The following ZNF766 variants were observed in gnomAD, a reference collection of about 807,000 sequenced individuals.
ZNF766 encodes the protein zinc finger protein 766.
Under a neutral mutation model 13.2 loss-of-function variants are expected in ZNF766, and 13 were observed. The observed-to-expected ratio is 0.98, with a 90% CI of 0.64 to 1.56. The LOEUF (loss-of-function observed/expected upper bound fraction) is 1.56, where lower values mean the gene tolerates loss of function less well. Ranked by LOEUF, ZNF766 falls within the 40% of genes most tolerant of loss-of-function variation. The probability of loss-of-function intolerance (pLI) is 0.00; values close to 1 mark genes in which losing one functional copy is unlikely to be tolerated. For missense variants in ZNF766, 521 were observed against 552.2 expected, an observed-to-expected ratio of 0.94 and a Z score of 0.57; for synonymous variants, 178 against 187.6, an observed-to-expected ratio of 0.95 and a Z score of 0.42.
chr19:52,272,491 C>T (rs545961484), intron 1 of ZNF766, among the ~76,000 whole-genome samples: 2 of 152,108 alleles, frequency 1.3e-5, no homozygotes, highest in East Asian at 3.9e-4. Flanking sequence ...TTTTAAGACA[C>T]GGTCTCAGTC....
At chr19:52,279,544 T>C (rs1389494622) in intron 1 of ZNF766, among the ~76,000 whole-genome samples, 2 of 152,014 alleles carry the variant, frequency 1.3e-5, no homozygotes, top group Non-Finnish European at 2.9e-5. Context: ...TGAGCAGTGG[T>C]TTGTAATTCT....
At chr19:52,276,974 AG>A (rs1021658986) in intron 1 of ZNF766, among the ~76,000 whole-genome samples, 32 of 152,252 alleles carry the variant, frequency 2.1e-4, no homozygotes, top group African/African-American at 7.5e-4. Context: ...TTCTGAAGAA[AG>A]GGGCCAAAAG....
At position 52,277,972 on chromosome 19, in the gene ZNF766, CTT is replaced by C. The variant is rs375658066; in HGVS notation, c.19-4124_19-4123del. ...TAAAAATTCAGGAAATCTTTTCTGC[CTT>C]TTTTTTTTTTTTTTGGAGACAAGAG... On this transcript the variant is annotated intron_variant, in intron 1 of 3. Transcript: ENST00000439461. Among the ~76,000 whole-genome samples, 526 of 135,604 alleles carry C rather than the reference CTT, an allele frequency of 3.9e-3. 2 individuals are homozygous for C. The highest frequency in any genetic ancestry group is 0.013 in the African/African-American group (456 of 36,376). The allele number at this position is 135,604 out of a possible 152,430, so 89.0% of individuals were successfully genotyped here.
In ZNF766 at chr19:52,290,753, A is replaced by C. The variant is rs1292429803; in HGVS notation, c.962A>C (p.His321Pro). Residue 321 changes from histidine (H) to proline (P), a missense_variant, in exon 4 of 4, where the codon CAT (histidine) becomes CCT (proline). By Grantham distance (77) the His-to-Pro change is moderately conservative. Transcript: ENST00000439461. ...TACCTAGCACAACATTGGAGAATTC[A>C]TACAGGAGAGAAACTTTACAAATGT... ...SSYLAQHWRI[H>P]TGEKLYKCNK... The C allele has an allele frequency of 6.2e-7, 1 of 1,614,020 alleles. No individual in the cohort carries two copies. Among genetic ancestry groups the C allele is most frequent in the East Asian group, 2.2e-5 (1 of 44,890 alleles).
chr19:52,287,856 T>C (rs1981908993), intron 3 of ZNF766, among the ~76,000 whole-genome samples: 1 of 152,144 alleles, frequency 6.6e-6, no homozygotes, highest in Admixed American at 6.5e-5. Context: ...GTTATTTCGG[T>C]CGTATGCTTC....
At chr19:52,285,966 G>C (rs1981796257) in intron 3 of ZNF766, among the ~76,000 whole-genome samples, 1 of 152,120 alleles carries the variant, frequency 6.6e-6, no homozygotes, top group Non-Finnish European at 1.5e-5. Context: ...ACACCACACA[G>C]AGGAGCCTGG....
chr19:52,271,383 A>G, intron 1 of ZNF766, among the ~76,000 whole-genome samples: 1 of 152,130 alleles, frequency 6.6e-6, no homozygotes, highest in Non-Finnish European at 1.5e-5. Flanking sequence ...ACTGGTCAGT[A>G]TGCGGAAAAA....
chr19:52,282,883 T>G (rs574735558), intron 2 of ZNF766, among the ~76,000 whole-genome samples: 9 of 152,348 alleles, frequency 5.9e-5, no homozygotes, highest in African/African-American at 2.2e-4. Flanking sequence ...CACAGTTCCC[T>G]ACGCATTCAG....
chr19:52,282,369 C>T, intron 2 of ZNF766, 132 bp downstream of exon 2: 1 of 1,140,072 alleles, frequency 8.8e-7, no homozygotes, highest in Non-Finnish European at 1.2e-6. Context: ...GGCACGGTGG[C>T]TCATGCCTGT....
chr19:52,282,313 G>GC, intron 2 of ZNF766, 76 bp downstream of exon 2: 1 of 1,479,576 alleles, frequency 6.8e-7, no homozygotes, highest in South Asian at 1.3e-5. Flanking sequence ...CCTCTTGGGA[G>GC]CCCCTGCATT....
At chr19:52,270,219 G>A (rs189082834) in intron 1 of ZNF766, among the ~76,000 whole-genome samples, 171 of 152,202 alleles carry the variant, frequency 1.1e-3, no homozygotes, top group African/African-American at 3.9e-3. Context: ...TGAGGAGGTG[G>A]GTATTTTATT....
intron 1 of ZNF766, chr19:52,277,306 A>G (rs1025452407): frequency 1.5e-5 from 15 of 968,316 alleles, no homozygotes; most frequent in Non-Finnish European, 2.2e-5. Flanking sequence ...ACGAATACAA[A>G]AAATTACCTG....
chr19:52,277,646 G>T, intron 1 of ZNF766: 1 of 1,277,442 alleles, frequency 7.8e-7, no homozygotes. Flanking sequence ...CTGCCTGACA[G>T]GTTTGCTCAC....
chr19:52,286,905 G>A (rs1454193520), intron 3 of ZNF766, among the ~76,000 whole-genome samples: 2 of 151,978 alleles, frequency 1.3e-5, no homozygotes, highest in African/African-American at 2.4e-5. Context: ...GCTTGATCTC[G>A]GCCCACTGCA....
intron 3 of ZNF766, among the ~76,000 whole-genome samples, chr19:52,289,473 T>A (rs1213168302): frequency 6.6e-6 from 1 of 152,116 alleles, no homozygotes; most frequent in East Asian, 1.9e-4. Context: ...TGTCTTATTT[T>A]CCCTAAGAGA....
chr19:52,272,515 G>A (rs1981019517), intron 1 of ZNF766, among the ~76,000 whole-genome samples: 2 of 152,112 alleles, frequency 1.3e-5, no homozygotes, highest in Admixed American at 1.3e-4. Flanking sequence ...CACCCAGACT[G>A]GAGTGCAGTG....
At chr19:52,286,300 A>AGTGTGTT (rs1951453287) in intron 3 of ZNF766, among the ~76,000 whole-genome samples, 1 of 149,230 alleles carries the variant, frequency 6.7e-6, no homozygotes, top group Non-Finnish European at 1.5e-5. Context: ...TCGTATTCCT[A>AGTGTGTT]GTGTGTTGAG....
intron 1 of ZNF766, among the ~76,000 whole-genome samples, chr19:52,270,871 G>C (rs1389140548): frequency 6.6e-6 from 1 of 152,090 alleles, no homozygotes; most frequent in Non-Finnish European, 1.5e-5. Context: ...TGCAACCTTA[G>C]CCTCCTGAGT....
intron 1 of ZNF766, among the ~76,000 whole-genome samples, chr19:52,272,795 C>T (rs934386843): frequency 6.6e-6 from 1 of 152,110 alleles, no homozygotes; most frequent in African/African-American, 2.4e-5. Flanking sequence ...GACCTCTGCC[C>T]TGAGGTCTAG....
Sources: allele counts gnomAD v4.1 joint callset (sites outside exome capture counted in the v4.1 genomes callset), GRCh38; gene constraint gnomAD v4.1.1; transcripts MANE v1.5; gene names NCBI Gene and HGNC (gene_info 2026-07-23, HGNC 2026-07-21).